The following PDLIM5 variants were observed in gnomAD, a reference collection of about 807,000 sequenced individuals.
PDLIM5 encodes the protein PDZ and LIM domain 5.
A neutral mutation model predicts 64.2 loss-of-function variants in PDLIM5; 34 were observed. That is an observed-to-expected ratio of 0.53 (90% CI 0.40 to 0.71). PDLIM5 has a LOEUF of 0.71. PDLIM5 is among the 30% of genes least tolerant of loss of function. The pLI is 0.00. For missense variants in PDLIM5, 683 were observed against 733.6 expected (o/e 0.93, Z 0.80); for synonymous variants, 253 against 269.1 (o/e 0.94, Z 0.59).
chr4:94,569,350 T>TTTGC (rs1489541956), intron 3 of PDLIM5, among the ~76,000 whole-genome samples: 2 of 152,106 alleles, frequency 1.3e-5, no homozygotes, highest in African/African-American at 4.8e-5. Context: ...TGTTTGTTTG[T>TTTGC]TTAGACAGAG....
chr4:94,488,985 G>A (rs1177562747), intron 2 of PDLIM5: 1 of 152,240 alleles, frequency 6.6e-6, no homozygotes, highest in Non-Finnish European at 1.5e-5. Context: ...TGTATGGAAA[G>A]TAATTTTGCA....
At chr4:94,598,277 A>G (rs973377309) in intron 7 of PDLIM5, among the ~76,000 whole-genome samples, 9 of 152,168 alleles carry the variant, frequency 5.9e-5, no homozygotes, top group Non-Finnish European at 1.3e-4. Flanking sequence ...AGAGTTAGTC[A>G]TGTCGTATGG....
chr4:94,557,396 T>C (rs1733443667), intron 3 of PDLIM5, among the ~76,000 whole-genome samples: 1 of 152,232 alleles, frequency 6.6e-6, no homozygotes. Flanking sequence ...TGGGCTGTTT[T>C]TTGGCTCCAT....
intron 3 of PDLIM5, among the ~76,000 whole-genome samples, chr4:94,538,436 G>A (rs1731500271): frequency 6.6e-6 from 1 of 152,140 alleles, no homozygotes; most frequent in Non-Finnish European, 1.5e-5. Flanking sequence ...ACAGCTCTGT[G>A]ACAACTCTGT....
intron 2 of PDLIM5, among the ~76,000 whole-genome samples, chr4:94,485,456 C>A (rs1400870281): frequency 2.0e-5 from 3 of 152,136 alleles, no homozygotes; most frequent in African/African-American, 7.2e-5. Flanking sequence ...CACTGCATGG[C>A]CAATGTAATA....
Position 94,477,914 on chromosome 4 carries a change from A to AT in PDLIM5, c.96+22536dup, listed in dbSNP as rs541247282. ...CAGTTCCACTTAGTGAATAGTGAAT[A>AT]TTTTTTCTCATGCTTTTTTAAAAGG... is the stretch of plus-strand genomic sequence containing the variant. On this transcript the variant is annotated intron_variant, in intron 2 of 12. Transcript: ENST00000317968. Among the ~76,000 whole-genome samples, 36 of 152,126 alleles carry AT rather than the reference A, an allele frequency of 2.4e-4. 1 individual carries two copies. In the South Asian group the frequency reaches 7.3e-3, roughly 31 times the overall value.
chr4:94,658,106 A>G (rs1200224289), intron 11 of PDLIM5, among the ~76,000 whole-genome samples: 5 of 152,218 alleles, frequency 3.3e-5, no homozygotes, highest in African/African-American at 9.6e-5. Flanking sequence ...TTGAATTCCC[A>G]ATGATTTGTG....
At chr4:94,486,875 T>C (rs1010821599) in intron 2 of PDLIM5, among the ~76,000 whole-genome samples, 10 of 152,096 alleles carry the variant, frequency 6.6e-5, no homozygotes, top group South Asian at 2.1e-4. Context: ...TGGTGACTTA[T>C]GCCTGTAGTT....
chr4:94,609,886 T>A (rs1738224623), intron 7 of PDLIM5, among the ~76,000 whole-genome samples: 1 of 152,198 alleles, frequency 6.6e-6, no homozygotes, highest in South Asian at 2.1e-4. Context: ...ACGAGGTAAT[T>A]TTAAATAGGA....
chr4:94,581,645 C>T (rs1298288574), intron 5 of PDLIM5, among the ~76,000 whole-genome samples: 2 of 152,072 alleles, frequency 1.3e-5, no homozygotes, highest in South Asian at 2.1e-4. Flanking sequence ...CCAGTCTTAG[C>T]GTTAAAACTG....
intron 2 of PDLIM5, among the ~76,000 whole-genome samples, chr4:94,465,149 A>C (rs557981077): frequency 6.6e-6 from 1 of 152,234 alleles, no homozygotes; most frequent in East Asian, 1.9e-4. Flanking sequence ...ACTTTTGTTT[A>C]TTCTTATCAT....
At chr4:94,579,526 A>G (rs1218388045) in intron 5 of PDLIM5, 2 of 1,375,280 alleles carry the variant, frequency 1.5e-6, no homozygotes, top group African/African-American at 1.5e-5. Context: ...TGCAGAAAAC[A>G]CAAGTGACAA....
At chr4:94,580,798 G>T (rs1735670479) in intron 5 of PDLIM5, among the ~76,000 whole-genome samples, 2 of 151,924 alleles carry the variant, frequency 1.3e-5, no homozygotes, top group Admixed American at 6.6e-5. Flanking sequence ...GCCAAATTTT[G>T]ATGTGCCTTT....
chr4:94,520,756 C>G (rs1286905391), intron 2 of PDLIM5, among the ~76,000 whole-genome samples: 1 of 152,152 alleles, frequency 6.6e-6, no homozygotes, highest in Non-Finnish European at 1.5e-5. Context: ...GAGTAGGAAG[C>G]CTGGGTAGAG....
At chr4:94,540,596 C>T (rs1001805216) in intron 3 of PDLIM5, among the ~76,000 whole-genome samples, 7 of 152,086 alleles carry the variant, frequency 4.6e-5, no homozygotes, top group Admixed American at 2.0e-4. Context: ...TAATGAAGGC[C>T]TGGGCACTAG....
chr4:94,620,367 C>G (rs1482954849), intron 8 of PDLIM5, among the ~76,000 whole-genome samples: 1 of 152,014 alleles, frequency 6.6e-6, no homozygotes, highest in Non-Finnish European at 1.5e-5. Context: ...AACCCCATCT[C>G]TACTAAAAAT....
chr4:94,654,346 A>T (rs1290608770), intron 9 of PDLIM5, 114 bp from the exon 10 acceptor site: 1 of 715,894 alleles, frequency 1.4e-6, no homozygotes, highest in Non-Finnish European at 2.5e-6. Context: ...GTCCTTAAGA[A>T]GGAAAATTGA....
intron 8 of PDLIM5, among the ~76,000 whole-genome samples, chr4:94,636,737 G>A (rs1298133256): frequency 4.6e-5 from 7 of 151,866 alleles, no homozygotes; most frequent in African/African-American, 9.7e-5. Context: ...GGGTTTCACC[G>A]TGTTAGCCAG....
intron 3 of PDLIM5, among the ~76,000 whole-genome samples, chr4:94,555,858 A>G (rs563197211): frequency 3.3e-5 from 5 of 151,654 alleles, no homozygotes; most frequent in African/African-American, 1.2e-4. Flanking sequence ...AATTTAGGGA[A>G]GTTAATTAAC....
Sources: allele counts gnomAD v4.1 joint callset (sites outside exome capture counted in the v4.1 genomes callset), GRCh38; gene constraint gnomAD v4.1.1; transcripts MANE v1.5; gene names NCBI Gene and HGNC (gene_info 2026-07-23, HGNC 2026-07-21).